Variants in SYT16 observed in about 807,000 individuals in gnomAD.
SYT16 encodes the protein synaptotagmin-16.
A neutral mutation model predicts 61.4 loss-of-function variants in SYT16; 42 were observed. The ratio of observed to expected loss-of-function variants is 0.68; its 90% CI spans 0.53 to 0.89. SYT16 has a LOEUF of 0.89. Among genes scored for constraint, SYT16 ranks in the 40% least tolerant of loss-of-function variants. The probability of loss-of-function intolerance (pLI) is 0.00; values close to 1 mark genes in which losing one functional copy is unlikely to be tolerated. For missense variants in SYT16, 804 were observed against 807.3 expected (o/e 1.00, Z 0.05); for synonymous variants, 314 against 302.3 (o/e 1.04, Z -0.40).
intron 3 of SYT16, among the ~76,000 whole-genome samples, chr14:61,997,880 C>G (rs1441840716): frequency 1.3e-5 from 2 of 151,998 alleles, no homozygotes; most frequent in Non-Finnish European, 2.9e-5. Flanking sequence ...CAATTGTGTT[C>G]ATCTGGCCTT....
chr14:61,898,198 T>A (rs1414788384), intron 1 of SYT16, among the ~76,000 whole-genome samples: 1 of 152,200 alleles, frequency 6.6e-6, no homozygotes, highest in Non-Finnish European at 1.5e-5. Context: ...ATGTGAACAG[T>A]CAGAATAATT....
chr14:62,045,361 C>G (rs2054927367), intron 3 of SYT16, among the ~76,000 whole-genome samples: 1 of 152,058 alleles, frequency 6.6e-6, no homozygotes, highest in African/African-American at 2.4e-5. Context: ...TGTATAAAAG[C>G]ATCGGGGTAT....
chr14:62,050,705 C>G (rs1307569538), intron 3 of SYT16, among the ~76,000 whole-genome samples: 1 of 152,202 alleles, frequency 6.6e-6, no homozygotes, highest in African/African-American at 2.4e-5. Flanking sequence ...GGACCCTCAG[C>G]TGCAGGTCTG....
chr14:61,943,536 G>A (rs570661193), intron 1 of SYT16, among the ~76,000 whole-genome samples: 17 of 152,234 alleles, frequency 1.1e-4, no homozygotes, highest in Non-Finnish European at 2.1e-4. Context: ...TATCCACCAC[G>A]ATCAAGTCGG....
intron 3 of SYT16, among the ~76,000 whole-genome samples, chr14:62,021,258 A>G (rs1052447317): frequency 3.3e-5 from 5 of 152,140 alleles, no homozygotes; most frequent in African/African-American, 1.2e-4. Flanking sequence ...ATTGCTTGGA[A>G]TTTGCCTAGT....
chr14:61,981,596 A>G (rs898423530), intron 2 of SYT16, among the ~76,000 whole-genome samples: 2 of 152,200 alleles, frequency 1.3e-5, no homozygotes, highest in Non-Finnish European at 2.9e-5. Context: ...CCTGGCTCAG[A>G]GAACATTCCT....
At chr14:61,881,293 A>T (rs2047688936) in intron 1 of SYT16, among the ~76,000 whole-genome samples, 1 of 152,182 alleles carries the variant, frequency 6.6e-6, no homozygotes, top group African/African-American at 2.4e-5. Flanking sequence ...CCAGTGCTCC[A>T]TTTGGCTGCT....
chr14:61,812,499 AG>A (rs1426864335), upstream of SYT16: 1 of 71,392 alleles, frequency 1.4e-5, no homozygotes, highest in Admixed American at 1.5e-4. Context: ...AAAGGAAAGG[AG>A]GGGAGGGGGA....
intron 2 of SYT16, among the ~76,000 whole-genome samples, chr14:61,972,569 T>G (rs572709836): frequency 5.8e-4 from 88 of 152,320 alleles, no homozygotes; most frequent in Non-Finnish European, 8.4e-4. Flanking sequence ...CACCTTCACT[T>G]TGACATTTCT....
At chr14:61,970,394 T>A (rs1595048794) in intron 2 of SYT16, 83 bp downstream of exon 2, 1 of 152,208 alleles carries the variant, frequency 6.6e-6, no homozygotes, top group East Asian at 1.9e-4. Context: ...TCGACTTTAC[T>A]AAAGAATACA....
intron 7 of SYT16, among the ~76,000 whole-genome samples, chr14:62,084,971 G>A (rs971638913): frequency 6.6e-6 from 1 of 152,222 alleles, no homozygotes; most frequent in African/African-American, 2.4e-5. Context: ...TTGTGGTGGT[G>A]ACAGAGAAAG....
chr14:62,097,503 A>C (rs573046359), intron 7 of SYT16, among the ~76,000 whole-genome samples: 1 of 152,330 alleles, frequency 6.6e-6, no homozygotes, highest in East Asian at 1.9e-4. Context: ...GACCCTGGTC[A>C]TGCTCCCCAA....
At chr14:62,022,296 A>G (rs569255383) in intron 3 of SYT16, among the ~76,000 whole-genome samples, 2 of 152,212 alleles carry the variant, frequency 1.3e-5, no homozygotes, top group African/African-American at 4.8e-5. Context: ...TTGAAGTAAA[A>G]TTCTGAATTG....
intron 3 of SYT16, among the ~76,000 whole-genome samples, chr14:62,056,031 T>C (rs962693678): frequency 6.6e-6 from 1 of 151,172 alleles, no homozygotes; most frequent in Non-Finnish European, 1.5e-5. Context: ...TCAGCCAGTC[T>C]ACTTTTTCCA....
intron 7 of SYT16, among the ~76,000 whole-genome samples, chr14:62,087,084 G>A (rs979373374): frequency 3.9e-5 from 6 of 152,132 alleles, no homozygotes; most frequent in Non-Finnish European, 8.8e-5. Flanking sequence ...ATTATGTCTC[G>A]CTTCATTATG....
chr14:61,885,428 A>T (rs2047862862), intron 1 of SYT16, among the ~76,000 whole-genome samples: 1 of 152,152 alleles, frequency 6.6e-6, no homozygotes. Context: ...GGTAACAAGG[A>T]CTGGCTGAAC....
intron 3 of SYT16, among the ~76,000 whole-genome samples, chr14:62,032,500 G>C (rs376685105): frequency 6.6e-6 from 1 of 151,960 alleles, no homozygotes; most frequent in Non-Finnish European, 1.5e-5. Context: ...ATGGTTTTCT[G>C]TACCTAATAC....
At chr14:62,040,903 G>A (rs187780068) in intron 3 of SYT16, among the ~76,000 whole-genome samples, 1 of 152,026 alleles carries the variant, frequency 6.6e-6, no homozygotes, top group Admixed American at 6.6e-5. Flanking sequence ...TTGAATTAGG[G>A]TTCTCTAGAG....
intron 3 of SYT16, among the ~76,000 whole-genome samples, chr14:62,046,540 C>T (rs901096135): frequency 7.2e-5 from 11 of 152,116 alleles, no homozygotes; most frequent in African/African-American, 2.7e-4. Context: ...TGCCTATGTC[C>T]TGAATGGTAT....
Sources: gnomAD v4.1 joint callset for allele counts (sites outside exome capture counted in the v4.1 genomes callset) on GRCh38, gnomAD v4.1.1 for gene constraint, MANE v1.5 for transcripts, NCBI Gene and HGNC (gene_info 2026-07-23, HGNC 2026-07-21) for gene names.